The following PIK3CB variants were observed in gnomAD, a reference collection of about 807,000 sequenced individuals.
PIK3CB encodes the protein phosphatidylinositol 4,5-bisphosphate 3-kinase catalytic subunit beta isoform.
Under a neutral mutation model 136.8 loss-of-function variants are expected in PIK3CB, and 39 were observed. The observed-to-expected ratio is 0.29, with a 90% confidence interval of 0.22 to 0.37. The LOEUF (loss-of-function observed/expected upper bound fraction) is 0.37, where lower values mean the gene tolerates loss of function less well. Among genes scored for constraint, PIK3CB ranks in the 10% least tolerant of loss-of-function variants. The probability of loss-of-function intolerance (pLI) is 1.00; values close to 1 mark genes in which losing one functional copy is unlikely to be tolerated. For missense variants in PIK3CB, 868 were observed against 1,275.4 expected, an observed-to-expected ratio of 0.68 and a Z score of 4.87; for synonymous variants, 428 against 436.6, an observed-to-expected ratio of 0.98 and a Z score of 0.25.
At chr3:138,750,869 A>ACTGATC (rs1436057623) in intron 4 of PIK3CB, among the ~76,000 whole-genome samples, 1 of 152,238 alleles carries the variant, frequency 6.6e-6, no homozygotes, top group African/African-American at 2.4e-5. Context: ...AACTGTGTTT[A>ACTGATC]CTGATCCTCA....
intron 19 of PIK3CB, among the ~76,000 whole-genome samples, chr3:138,675,588 T>C (rs1056641278): frequency 7.9e-5 from 12 of 152,092 alleles, no homozygotes; most frequent in African/African-American, 1.9e-4. Flanking sequence ...CTTACAAGGA[T>C]CTTAAATAAG....
At chr3:138,802,671 T>C (rs2046191184) in intron 1 of PIK3CB, among the ~76,000 whole-genome samples, 2 of 152,218 alleles carry the variant, frequency 1.3e-5, no homozygotes, top group Non-Finnish European at 2.9e-5. Context: ...AATCCTGCTC[T>C]ATTCTGTGGT....
At chr3:138,691,658 G>A (rs1329413496) in intron 14 of PIK3CB, among the ~76,000 whole-genome samples, 4 of 152,070 alleles carry the variant, frequency 2.6e-5, no homozygotes, top group Admixed American at 6.5e-5. Flanking sequence ...AGTTTTGTGA[G>A]GCCTCCCTAG....
At chr3:138,675,357 C>T (rs933856159) in intron 19 of PIK3CB, among the ~76,000 whole-genome samples, 5 of 151,290 alleles carry the variant, frequency 3.3e-5, no homozygotes, top group South Asian at 2.1e-4. Context: ...TGCATAATGG[C>T]GTTTAAGAAG....
rs74701669 is a variant in PIK3CB, at chr3:138,684,790, T to C, written c.2150A>G (p.Asn717Ser). ...KVLSKQVEAL[N>S]KLKTLNSLIK... ...TAAACTATTTAAAGTTTTTAACTTA[T>C]TGAGTGCTTCAACCTGAAAAATAAG... Residue 717 changes from asparagine to serine, a missense_variant, in exon 17 of 24, where the codon AAT (asparagine) becomes AGT (serine). This residue lies in a region of PIK3CB where 165 missense variants were observed against 295.4 expected (regional missense o/e 0.56). Coordinates refer to ENST00000674063, the MANE Select transcript of PIK3CB (RefSeq NM_006219.3). The C allele has an allele frequency of 1.1e-3, 1,777 of 1,612,038 alleles. 11 individuals are homozygous for C. Among genetic ancestry groups the C allele is most frequent in the Middle Eastern group, 9.4e-3 (57 of 6,060 alleles).
intron 5 of PIK3CB, among the ~76,000 whole-genome samples, chr3:138,741,612 T>C (rs2045246457): frequency 6.6e-6 from 1 of 152,162 alleles, no homozygotes; most frequent in Non-Finnish European, 1.5e-5. Flanking sequence ...GTGGATCATC[T>C]GAGGTCAGAA....
chr3:138,723,408 G>A lies in PIK3CB; in HGVS notation c.1051-8689C>T, dbSNP rs111271947. Among the ~76,000 whole-genome samples the A allele has an allele frequency of 2.7e-3, 416 of 152,038 alleles. 1 individual carries two copies. Among genetic ancestry groups the A allele is most frequent in the Non-Finnish European group, 3.9e-3 (268 of 67,970 alleles). On this transcript the variant is annotated intron_variant, in intron 8 of 23. Transcript: ENST00000674063. ...TCTACTCAAAATACAAAAAATAGCC[G>A]GGCGTGGTGGTGTGGGCCTATGATC... is the stretch of plus-strand genomic sequence containing the variant.
At chr3:138,733,834 C>G (rs929937695) in intron 7 of PIK3CB, among the ~76,000 whole-genome samples, 2 of 152,036 alleles carry the variant, frequency 1.3e-5, no homozygotes, top group Admixed American at 1.3e-4. Context: ...GCCAAGATTG[C>G]GCCACTGCAC....
intron 11 of PIK3CB, among the ~76,000 whole-genome samples, chr3:138,705,155 CA>C (rs1312893752): frequency 2.0e-3 from 60 of 29,858 alleles, no homozygotes; most frequent in African/African-American, 4.9e-3. Context: ...ATTAGAAAGG[CA>C]AAAAAAAAAA....
chr3:138,662,224 T>C (rs1183807187), intron 21 of PIK3CB, among the ~76,000 whole-genome samples: 2 of 150,278 alleles, frequency 1.3e-5, no homozygotes, highest in Admixed American at 6.6e-5. Context: ...ACTCGTCCTT[T>C]AGCATTAGGT....
At chr3:138,741,690 T>C (rs2045248415) in intron 5 of PIK3CB, among the ~76,000 whole-genome samples, 1 of 152,070 alleles carries the variant, frequency 6.6e-6, no homozygotes, top group Admixed American at 6.6e-5. Context: ...TAGCCAGGTG[T>C]GATGGCAGGC....
chr3:138,809,722 T>C (rs569906663), intron 1 of PIK3CB, among the ~76,000 whole-genome samples: 66 of 152,062 alleles, frequency 4.3e-4, no homozygotes, highest in African/African-American at 1.5e-3. Flanking sequence ...GAAACATCAG[T>C]ATAAACTAAT....
chr3:138,800,683 G>A (rs2046163197), intron 1 of PIK3CB, among the ~76,000 whole-genome samples: 1 of 152,080 alleles, frequency 6.6e-6, no homozygotes, highest in Non-Finnish European at 1.5e-5. Flanking sequence ...GGAGTGCAGT[G>A]GTGTGATCTT....
intron 19 of PIK3CB, among the ~76,000 whole-genome samples, chr3:138,669,253 A>C (rs361091): frequency 0.52 from 78,697 of 151,272 alleles, 21,953 homozygotes; most frequent in East Asian, 0.98. Flanking sequence ...CTCTACAAAA[A>C]GTAAAAAAAT....
At chr3:138,755,696 A>G (rs766972595) in intron 4 of PIK3CB, 58 bp downstream of exon 4, 6 of 766,670 alleles carry the variant, frequency 7.8e-6, no homozygotes, top group African/African-American at 1.8e-5. Flanking sequence ...TACTTACTAT[A>G]TGTTTATATA....
At chr3:138,832,271 TTTCAACAC>T (rs1274401253) in intron 1 of PIK3CB, among the ~76,000 whole-genome samples, 3 of 152,162 alleles carry the variant, frequency 2.0e-5, no homozygotes, top group Non-Finnish European at 4.4e-5. Context: ...CCGACTTGAT[TTTCAACAC>T]TTCTAAAAAA....
At chr3:138,658,149 T>C (rs575460201) in intron 21 of PIK3CB, among the ~76,000 whole-genome samples, 88 of 152,220 alleles carry the variant, frequency 5.8e-4, no homozygotes, top group African/African-American at 2.1e-3. Flanking sequence ...CTATAAAACA[T>C]AACAAGAAAA....
intron 1 of PIK3CB, among the ~76,000 whole-genome samples, chr3:138,821,282 CA>C (rs140472633): frequency 1.9e-4 from 25 of 130,138 alleles, no homozygotes; most frequent in Admixed American, 4.1e-4. Flanking sequence ...GACTCCGTCT[CA>C]AAAAAAAAAA....
At chr3:138,680,312 C>T (rs1006465563) in intron 19 of PIK3CB, among the ~76,000 whole-genome samples, 4 of 151,184 alleles carry the variant, frequency 2.6e-5, no homozygotes, top group East Asian at 3.9e-4. Flanking sequence ...GAGCCGAGAT[C>T]GCACCACTGC....
Sources: allele counts gnomAD v4.1 joint callset (sites outside exome capture counted in the v4.1 genomes callset), GRCh38; gene constraint gnomAD v4.1.1; regional missense constraint gnomAD v4.1.1; transcripts MANE v1.5; gene names NCBI Gene and HGNC (gene_info 2026-07-23, HGNC 2026-07-21).